AP4E1: variants seen among roughly 807,000 people sequenced by gnomAD.
AP4E1 encodes adaptor related protein complex 4 subunit epsilon 1.
A neutral mutation model predicts 128.2 loss-of-function variants in AP4E1; 56 were observed. That is an observed-to-expected ratio of 0.44 (90% CI 0.35 to 0.55). AP4E1 has a LOEUF of 0.55. AP4E1 is among the 20% of genes least tolerant of loss of function. AP4E1 has a pLI of 0.00. For missense variants in AP4E1, 1,324 were observed against 1,307.7 expected, an observed-to-expected ratio of 1.01 and a Z score of -0.19; for synonymous variants, 484 against 473.1, an observed-to-expected ratio of 1.02 and a Z score of -0.30.
At chr15:50,914,163 A>G (rs1176868682) in intron 2 of AP4E1, among the ~76,000 whole-genome samples, 1 of 152,150 alleles carries the variant, frequency 6.6e-6, no homozygotes, top group African/African-American at 2.4e-5. Flanking sequence ...ATTAACTTTT[A>G]CTGCTTTAAG....
intron 17 of AP4E1, among the ~76,000 whole-genome samples, chr15:50,996,683 T>C (rs943236930): frequency 6.6e-6 from 1 of 152,130 alleles, no homozygotes; most frequent in African/African-American, 2.4e-5. Flanking sequence ...GAACCATCAC[T>C]CCTCTTACAT....
In AP4E1 at chr15:51,004,062, A is replaced by G. The variant is rs1400378182; in HGVS notation, c.*1400A>G. ...TCATTAAAAAATATATAACATCTTA[A>G]TTTTATTCTTTTAAAAACATACAGT... On this transcript the variant is annotated 3_prime_UTR_variant, in exon 21 of 21. Transcript: ENST00000261842. 6.6e-6 allele frequency: 1 copy of G among 152,162 alleles called. No homozygotes were observed. Among genetic ancestry groups the G allele is most frequent in the East Asian group, 1.9e-4 (1 of 5,204 alleles). The allele number at this position is 152,162 out of a possible 1,614,324, so 9.4% of individuals were successfully genotyped here. A position where few individuals can be genotyped will look rare whatever the true frequency, so the allele number is the denominator to read the frequency against.
intron 15 of AP4E1, among the ~76,000 whole-genome samples, chr15:50,981,470 G>A (rs2064641626): frequency 6.6e-6 from 1 of 152,170 alleles, no homozygotes; most frequent in Non-Finnish European, 1.5e-5. Context: ...TAATTTCACA[G>A]CCCCACAGCT....
intron 5 of AP4E1, among the ~76,000 whole-genome samples, chr15:50,927,023 G>C (rs8035618): frequency 6.6e-6 from 1 of 152,138 alleles, no homozygotes; most frequent in East Asian, 1.9e-4. Context: ...TGTTTAGAAC[G>C]AAGGATGATT....
intron 8 of AP4E1, among the ~76,000 whole-genome samples, chr15:50,935,940 T>C (rs546858221): frequency 1.0e-3 from 154 of 152,328 alleles, no homozygotes; most frequent in African/African-American, 3.6e-3. Context: ...ATTAAGGTAA[T>C]AAGGATGCTT....
At chr15:50,946,079 A>G (rs1360483004) in intron 10 of AP4E1, 2 of 630,132 alleles carry the variant, frequency 3.2e-6, no homozygotes, top group East Asian at 5.7e-5. Context: ...TGCTGGGACT[A>G]GATTAATTGC....
intron 13 of AP4E1, among the ~76,000 whole-genome samples, chr15:50,952,058 C>T (rs928316143): frequency 1.3e-5 from 2 of 151,992 alleles, no homozygotes; most frequent in Non-Finnish European, 2.9e-5. Flanking sequence ...ATTTGTTTTA[C>T]TGTATCTGCA....
intron 3 of AP4E1, chr15:50,915,908 T>C (rs1340393380): frequency 4.0e-6 from 1 of 248,644 alleles, no homozygotes; most frequent in East Asian, 1.1e-4. Flanking sequence ...TGTATATAAA[T>C]TATATGTCTA....
chr15:50,997,331 A>G lies in AP4E1; in HGVS notation c.2352A>G (p.Gly784=). 1.3e-6 allele frequency: 2 copies of G among 1,590,214 alleles called. No homozygotes were observed. Among genetic ancestry groups the G allele is most frequent in the Non-Finnish European group, 8.5e-7 (1 of 1,173,698 alleles). ...LGSESTINLL[G]KADTVSHKFR... The stretch of plus-strand genomic sequence containing the variant: ...ATTATGTTTTATTTTTGCAGCTGGG[A>G]AAAGCAGATACTGTCTCTCACAAGT... The change falls in exon 18 of 21, where the codon GGA becomes GGG. Residue 784 remains glycine, a synonymous_variant. Coordinates refer to ENST00000261842, the MANE Select transcript of AP4E1 (RefSeq NM_007347.5).
At position 50,997,847 on chromosome 15, in the gene AP4E1, T is replaced by G; in HGVS notation, c.2868T>G (p.Ser956Arg). 1.9e-6 allele frequency: 3 copies of G among 1,599,136 alleles called. No individual in the cohort carries two copies. Among genetic ancestry groups the G allele is most frequent in the Non-Finnish European group, 1.7e-6 (2 of 1,170,862 alleles). The change falls in exon 18 of 21, where the codon AGT becomes AGG. Residue 956 changes from serine to arginine, a missense_variant. Ser to Arg is a moderately radical substitution (Grantham distance 110). Transcript: ENST00000261842. Reference sequence around the variant, plus strand: ...ATAAGAGTGGTTTGGAATTGAAAAGTGCTGACTTAGAAATTTTTCCTGCAG... The same window carrying G: ...ATAAGAGTGGTTTGGAATTGAAAAGGGCTGACTTAGAAATTTTTCCTGCAG... ...VTNKSGLELKSADLEIFPAEN... is the reference protein window; with the variant it reads ...VTNKSGLELKRADLEIFPAEN...
chr15:50,964,955 C>CCCCACACACACACA (rs1555459128), intron 14 of AP4E1, among the ~76,000 whole-genome samples: 73 of 131,448 alleles, frequency 5.6e-4, no homozygotes, highest in Non-Finnish European at 7.6e-4. Context: ...CCTCCCCCTA[C>CCCCACACACACACA]CACACACACA....
At chr15:50,917,434 T>G (rs1375408417) in intron 3 of AP4E1, among the ~76,000 whole-genome samples, 2 of 152,212 alleles carry the variant, frequency 1.3e-5, no homozygotes, top group African/African-American at 4.8e-5. Flanking sequence ...CCTTCAACTT[T>G]GGGCCATTTT....
chr15:50,992,734 T>C (rs1352981815), intron 16 of AP4E1, among the ~76,000 whole-genome samples: 1 of 152,222 alleles, frequency 6.6e-6, no homozygotes, highest in Non-Finnish European at 1.5e-5. Flanking sequence ...TAAAACTTCA[T>C]TGCATTTTGA....
rs61656848 is a variant in AP4E1, at chr15:50,957,671, C to CTTTTTT, written c.1549-803_1549-798dup. 8.4e-4 allele frequency among the ~76,000 whole-genome samples: 74 copies of CTTTTTT among 87,974 alleles called. 1 individual carries two copies. The highest frequency in any genetic ancestry group is 1.0e-3 in the African/African-American group (21 of 20,506). 57.7% of individuals were successfully genotyped at this position (87,974 alleles called of 152,430 possible). ...AGATGTGTGACATAGACAAGCGTTTCTTTTTTTTTTTTTTTTTTTTTTTGA... is the reference window on the plus strand; with the variant it reads ...AGATGTGTGACATAGACAAGCGTTTCTTTTTTTTTTTTTTTTTTTTTTTTTTTTTGA... On this transcript the variant is annotated intron_variant, in intron 13 of 20. Transcript: ENST00000261842.
At chr15:50,973,956 A>G (rs1712797310) in intron 15 of AP4E1, among the ~76,000 whole-genome samples, 1 of 152,098 alleles carries the variant, frequency 6.6e-6, no homozygotes, top group South Asian at 2.1e-4. Context: ...TTGTTGGAGC[A>G]TATAGTAGTT....
intron 15 of AP4E1, among the ~76,000 whole-genome samples, chr15:50,968,910 G>A (rs1019427605): frequency 6.6e-6 from 1 of 152,004 alleles, no homozygotes; most frequent in African/African-American, 2.4e-5. Flanking sequence ...GAGCCACTGC[G>A]ACTGGCCATT....
Position 50,912,150 on chromosome 15 carries a change from G to C in AP4E1, c.222+1G>C. ...TGTTTCTGCTCCTACTACAACACTG[G>C]TAGGTTTGCATAGTCAGTGCCAACA... On this transcript the variant is annotated splice_donor_variant, in intron 2 of 20. Transcript: ENST00000261842. LOFTEE classifies it high-confidence loss of function. 6.2e-7 allele frequency: 1 copy of C among 1,613,540 alleles called. No homozygotes were observed. Among genetic ancestry groups the C allele is most frequent in the Non-Finnish European group, 8.5e-7 (1 of 1,179,744 alleles).
intron 15 of AP4E1, among the ~76,000 whole-genome samples, chr15:50,979,888 T>G (rs1389381032): frequency 6.6e-6 from 1 of 152,216 alleles, no homozygotes; most frequent in East Asian, 1.9e-4. Flanking sequence ...GATAGAAAAT[T>G]GGTCCTGAGA....
intron 14 of AP4E1, among the ~76,000 whole-genome samples, chr15:50,964,264 T>G (rs2064357903): frequency 6.6e-6 from 1 of 152,208 alleles, no homozygotes; most frequent in Non-Finnish European, 1.5e-5. Context: ...GTTGAAGCTC[T>G]TGGTTATACT....
Sources: gnomAD v4.1 joint callset for allele counts (sites outside exome capture counted in the v4.1 genomes callset) on GRCh38, gnomAD v4.1.1 for gene constraint, MANE v1.5 for transcripts, NCBI Gene and HGNC (gene_info 2026-07-23, HGNC 2026-07-21) for gene names.